Variants in YME1L1 observed in about 807,000 individuals in gnomAD.
YME1L1 encodes YME1 like 1 ATPase.
A neutral mutation model predicts 90.4 loss-of-function variants in YME1L1; 39 were observed. The observed-to-expected ratio is 0.43, with a 90% CI of 0.33 to 0.56. The LOEUF is 0.56. Among genes scored for constraint, YME1L1 ranks in the 20% least tolerant of loss-of-function variants. The probability of loss-of-function intolerance (pLI) is 0.03; values close to 1 mark genes in which losing one functional copy is unlikely to be tolerated. For synonymous variants in YME1L1, 284 were observed against 287.3 expected (o/e 0.99, Z 0.12); for missense variants, 617 against 868.4 (o/e 0.71, Z 3.64).
At chr10:27,134,758 A>G in intron 6 of YME1L1, 73 bp downstream of exon 6, 2 of 1,510,152 alleles carry the variant, frequency 1.3e-6, no homozygotes, top group South Asian at 1.2e-5. Flanking sequence ...AAAGTTACTT[A>G]AAACTTAAAT....
At chr10:27,128,051 G>A (rs1245658901) in intron 8 of YME1L1, among the ~76,000 whole-genome samples, 1 of 152,122 alleles carries the variant, frequency 6.6e-6, no homozygotes, top group South Asian at 2.1e-4. Context: ...TCTGTGGCAA[G>A]AGAATCCCCA....
At chr10:27,137,790 T>C (rs944869778) in intron 4 of YME1L1, among the ~76,000 whole-genome samples, 1 of 152,172 alleles carries the variant, frequency 6.6e-6, no homozygotes, top group East Asian at 1.9e-4. Flanking sequence ...TGCACATTTT[T>C]CCATTTTTAT....
chr10:27,144,777 C>G (rs1344131569), intron 3 of YME1L1, among the ~76,000 whole-genome samples: 1 of 152,176 alleles, frequency 6.6e-6, no homozygotes. Flanking sequence ...AGGACACTTG[C>G]AGAGAACTAG....
chr10:27,130,849 G>A (rs2056970856), intron 8 of YME1L1, among the ~76,000 whole-genome samples: 1 of 152,182 alleles, frequency 6.6e-6, no homozygotes, highest in East Asian at 1.9e-4. Flanking sequence ...GCGAAACTCC[G>A]TCTCAAAAAC....
At chr10:27,128,590 C>A (rs915231795) in intron 8 of YME1L1, among the ~76,000 whole-genome samples, 1 of 150,860 alleles carries the variant, frequency 6.6e-6, no homozygotes, top group Non-Finnish European at 1.5e-5. Flanking sequence ...CCCCACCCCC[C>A]AAAAAAAAGA....
At chr10:27,146,340 CTG>C (rs1479423503) in intron 2 of YME1L1, 2 of 152,176 alleles carry the variant, frequency 1.3e-5, no homozygotes, top group Admixed American at 6.5e-5. Context: ...AAAGTCAAAA[CTG>C]TGTGAAAATC....
intron 1 of YME1L1, among the ~76,000 whole-genome samples, chr10:27,149,678 T>C (rs1211754847): frequency 8.0e-6 from 1 of 124,450 alleles, no homozygotes. Flanking sequence ...GCCACTGCAC[T>C]CTAGCCAGGG....
At chr10:27,117,526 C>T (rs781185932) in intron 15 of YME1L1, 50 bp downstream of exon 15, 2 of 1,590,014 alleles carry the variant, frequency 1.3e-6, no homozygotes, top group Admixed American at 1.7e-5. Context: ...TGAGATCGCG[C>T]CATTGCACTC....
intron 2 of YME1L1, chr10:27,147,539 T>C: frequency 1.2e-6 from 2 of 1,612,282 alleles, no homozygotes; most frequent in Non-Finnish European, 1.7e-6. Context: ...ATGTGCCAGT[T>C]ATCGGTTGTG....
At chr10:27,142,362 A>G (rs920025101) in intron 4 of YME1L1, 25 bp downstream of exon 4, 2 of 1,312,676 alleles carry the variant, frequency 1.5e-6, no homozygotes, top group Non-Finnish European at 2.0e-6. Flanking sequence ...TTTTTTTTCC[A>G]CAATTTATGG....
At chr10:27,116,397 G>T (rs146937735) in intron 15 of YME1L1, 52 bp from the exon 16 acceptor site, 1 of 1,597,908 alleles carries the variant, frequency 6.3e-7, no homozygotes, top group Admixed American at 1.7e-5. Flanking sequence ...GGCTGGGTGC[G>T]GTGGCTCACG....
rs1333191594 is a variant in YME1L1 at position 27,110,721 on chromosome 10, A to T, written c.*1256T>A. 6.6e-6 allele frequency: 1 copy of T among 152,234 alleles called. No homozygotes were observed. The highest frequency in any genetic ancestry group is 1.5e-5 in the Non-Finnish European group (1 of 68,040). The allele number at this position is 152,234 out of a possible 1,614,324, so 9.4% of individuals were successfully genotyped here. A position where few individuals can be genotyped will look rare whatever the true frequency, so the allele number is the denominator to read the frequency against. ...TTTGAAACCAAGCACAGTTATAGTC[A>T]AAATGAGGGACATTATTCAGAATGA... is the stretch of plus-strand genomic sequence containing the variant. On this transcript the variant is annotated 3_prime_UTR_variant, in exon 19 of 19. Transcript: ENST00000376016.
chr10:27,129,897 G>C (rs1043589338), intron 8 of YME1L1, among the ~76,000 whole-genome samples: 5 of 151,850 alleles, frequency 3.3e-5, no homozygotes, highest in African/African-American at 1.2e-4. Context: ...CTCTCTGCTG[G>C]TGACCTTGAT....
chr10:27,137,810 A>G (rs7914630), intron 4 of YME1L1, among the ~76,000 whole-genome samples: 36,645 of 152,036 alleles, frequency 0.24, 4,981 homozygotes, highest in East Asian at 0.56. Flanking sequence ...TTTAGATAAT[A>G]TGGATGTTAC....
intron 3 of YME1L1, among the ~76,000 whole-genome samples, chr10:27,144,470 C>T (rs1205561522): frequency 1.3e-5 from 2 of 152,110 alleles, no homozygotes; most frequent in Non-Finnish European, 2.9e-5. Flanking sequence ...CTATTTTGTT[C>T]CTGGATTTTT....
At position 27,123,578 on chromosome 10, in the gene YME1L1, A is replaced by G. The variant is rs777467180; in HGVS notation, c.1071T>C (p.Gly357=). Residue 357 remains glycine, a synonymous_variant, in exon 10 of 19, where the codon GGT becomes GGC. Transcript: ENST00000376016. ...GATTTCTGATACGGCTGGCTCCCAC[A>G]CCCACAAACATCTCATCAAATTCGG... ...SGSEFDEMFV[G]VGASRIRNLF... 4 of 1,613,806 alleles carry G rather than the reference A, an allele frequency of 2.5e-6. No homozygotes were observed. The highest frequency in any genetic ancestry group is 3.4e-6 in the Non-Finnish European group (4 of 1,179,830).
At chr10:27,117,157 T>C (rs2056821775) in intron 15 of YME1L1, among the ~76,000 whole-genome samples, 1 of 152,210 alleles carries the variant, frequency 6.6e-6, no homozygotes, top group African/African-American at 2.4e-5. Flanking sequence ...TTTAAATGTC[T>C]ACAATGTTGA....
intron 4 of YME1L1, 116 bp downstream of exon 4, chr10:27,142,271 C>CT (rs2057096555): frequency 1.7e-6 from 1 of 587,306 alleles, no homozygotes; most frequent in Admixed American, 3.4e-5. Flanking sequence ...TCCAAATACT[C>CT]TTTAGGTCCT....
intron 3 of YME1L1, among the ~76,000 whole-genome samples, chr10:27,143,187 T>C (rs1020701119): frequency 4.7e-5 from 7 of 147,704 alleles, no homozygotes; most frequent in African/African-American, 7.6e-5. Context: ...CTGAGCAACA[T>C]GGAGAAACCC....
Sources: allele counts gnomAD v4.1 joint callset (sites outside exome capture counted in the v4.1 genomes callset), GRCh38; gene constraint gnomAD v4.1.1; transcripts MANE v1.5; gene names NCBI Gene and HGNC (gene_info 2026-07-23, HGNC 2026-07-21).